Variants in AOPEP observed in about 807,000 individuals in gnomAD.
AOPEP encodes aminopeptidase O (putative).
In AOPEP, 77 loss-of-function variants were observed where a neutral mutation model predicts 98.1. The observed-to-expected ratio is 0.78, with a 90% confidence interval of 0.65 to 0.95. The LOEUF (loss-of-function observed/expected upper bound fraction) is 0.95. Among genes scored for constraint, AOPEP ranks in the 40% least tolerant of loss-of-function variants. The pLI, the probability that AOPEP is intolerant of heterozygous loss-of-function variation, is 0.00. For missense variants in AOPEP, 1,024 were observed against 1,024.7 expected (o/e 1.00, Z 0.01); for synonymous variants, 346 against 365.3 (o/e 0.95, Z 0.60).
chr9:94,867,806 A>C (rs951858011), intron 5 of AOPEP, among the ~76,000 whole-genome samples: 1 of 152,200 alleles, frequency 6.6e-6, no homozygotes, highest in African/African-American at 2.4e-5. Context: ...TTCTTGGTGA[A>C]TAAACCTGGC....
the AOPEP span, among the ~76,000 whole-genome samples, chr9:95,133,998 ATC>A: frequency 6.6e-6 from 1 of 152,184 alleles, no homozygotes; most frequent in Non-Finnish European, 1.5e-5. Context: ...TCCTTAAGAA[ATC>A]TGTTTGGGCT....
intron 6 of AOPEP, among the ~76,000 whole-genome samples, chr9:94,925,667 G>T (rs1033941284): frequency 1.3e-5 from 2 of 152,148 alleles, no homozygotes; most frequent in African/African-American, 4.8e-5. Flanking sequence ...TACCCTGGCC[G>T]TGGACCCAGC....
At chr9:95,043,828 C>T (rs1237963564) in intron 13 of AOPEP, among the ~76,000 whole-genome samples, 1 of 152,282 alleles carries the variant, frequency 6.6e-6, no homozygotes, top group South Asian at 2.1e-4. Flanking sequence ...CCATGCCTGG[C>T]TAATTTTTGT....
chr9:94,848,603 CAG>C (rs539381036), intron 5 of AOPEP, among the ~76,000 whole-genome samples: 203 of 151,664 alleles, frequency 1.3e-3, no homozygotes, highest in African/African-American at 4.6e-3. Flanking sequence ...GCCTGGGTGA[CAG>C]AGGGAGATTC....
intron 5 of AOPEP, among the ~76,000 whole-genome samples, chr9:94,884,091 G>C (rs2047906936): frequency 6.6e-6 from 1 of 152,202 alleles, no homozygotes; most frequent in African/African-American, 2.4e-5. Context: ...GAGCTGCTTG[G>C]ACCTGCCCTC....
At chr9:94,839,261 AT>A (rs571082827) in intron 5 of AOPEP, among the ~76,000 whole-genome samples, 2 of 150,128 alleles carry the variant, frequency 1.3e-5, no homozygotes, top group Non-Finnish European at 1.5e-5. Context: ...AATTTTTTGT[AT>A]TTTTTTTTGG....
the AOPEP span, chr9:95,117,472 G>A: frequency 8.0e-6 from 9 of 1,118,374 alleles, no homozygotes; most frequent in Non-Finnish European, 1.1e-5. Flanking sequence ...TGAGTCCTCT[G>A]CCCAAAAAAG....
intron 5 of AOPEP, among the ~76,000 whole-genome samples, chr9:94,874,561 A>G (rs896489738): frequency 6.6e-6 from 1 of 152,178 alleles, no homozygotes; most frequent in African/African-American, 2.4e-5. Flanking sequence ...GTCCTAAGGT[A>G]TGCGGATGCT....
At chr9:94,853,440 A>G (rs1274881543) in intron 5 of AOPEP, among the ~76,000 whole-genome samples, 1 of 152,140 alleles carries the variant, frequency 6.6e-6, no homozygotes, top group Non-Finnish European at 1.5e-5. Flanking sequence ...AGCGTGGGCA[A>G]CAGAGTGAGA....
chr9:94,934,438 T>TC (rs1464454683), intron 7 of AOPEP: 1 of 150,158 alleles, frequency 6.7e-6, no homozygotes, highest in African/African-American at 2.5e-5. Context: ...CGCCTCAGCC[T>TC]CCCAAGTAGC....
At chr9:95,041,444 GGGGTGTGTGTGTGT>G (rs1216060063) in intron 13 of AOPEP, among the ~76,000 whole-genome samples, 7 of 144,318 alleles carry the variant, frequency 4.9e-5, no homozygotes, top group South Asian at 2.2e-4. Context: ...AGAGTCCTTG[GGGGTGTGTGTGTGT>G]GTGTGTGTGT....
intron 5 of AOPEP, among the ~76,000 whole-genome samples, chr9:94,875,179 A>G (rs890147754): frequency 6.6e-6 from 1 of 152,046 alleles, no homozygotes; most frequent in Non-Finnish European, 1.5e-5. Flanking sequence ...GTGTTAAAGC[A>G]GTGAGTTGTG....
At chr9:94,762,710 G>A (rs1034973675) in intron 2 of AOPEP, among the ~76,000 whole-genome samples, 2 of 152,088 alleles carry the variant, frequency 1.3e-5, no homozygotes, top group African/African-American at 4.8e-5. Flanking sequence ...CTTTTTCTGG[G>A]GTGGGGAGTT....
At chr9:95,014,336 T>G (rs1027797666) in intron 13 of AOPEP, among the ~76,000 whole-genome samples, 1 of 151,736 alleles carries the variant, frequency 6.6e-6, no homozygotes, top group Non-Finnish European at 1.5e-5. Context: ...TAGCTGGACG[T>G]GGTGGTACAT....
chr9:94,880,086 GA>G (rs571432329), intron 5 of AOPEP, among the ~76,000 whole-genome samples: 210 of 152,248 alleles, frequency 1.4e-3, no homozygotes, highest in African/African-American at 4.8e-3. Context: ...CAGTCTTATG[GA>G]GTTCATTCAG....
the AOPEP span, chr9:95,099,305 CCT>C: frequency 4.5e-5 from 10 of 224,520 alleles, no homozygotes; most frequent in African/African-American, 2.2e-4. Flanking sequence ...GATTCCAGAC[CCT>C]GTCGCACCTC....
intron 4 of AOPEP, among the ~76,000 whole-genome samples, chr9:94,794,502 T>C (rs557318561): frequency 6.6e-6 from 1 of 152,354 alleles, no homozygotes; most frequent in South Asian, 2.1e-4. Context: ...GCAGTTGGTC[T>C]TCATCTTTCA....
intron 5 of AOPEP, 48 bp from the exon 6 acceptor site, chr9:94,923,938 G>T: frequency 7.8e-7 from 1 of 1,288,526 alleles, no homozygotes; most frequent in Admixed American, 3.6e-5. Context: ...TGGCCATGAG[G>T]ACAGGCTCTA....
intron 5 of AOPEP, among the ~76,000 whole-genome samples, chr9:94,885,590 A>C (rs1588701333): frequency 6.6e-6 from 1 of 152,124 alleles, no homozygotes; most frequent in African/African-American, 2.4e-5. Flanking sequence ...AGCTAACTGC[A>C]GGGGAAGCTG....
Sources: gnomAD v4.1 joint callset for allele counts (sites outside exome capture counted in the v4.1 genomes callset) on GRCh38, gnomAD v4.1.1 for gene constraint, MANE v1.5 for transcripts, NCBI Gene and HGNC (gene_info 2026-07-23, HGNC 2026-07-21) for gene names.